Variants in ALK observed in about 807,000 individuals in gnomAD.
ALK encodes ALK tyrosine kinase receptor.
A neutral mutation model predicts 163.1 loss-of-function variants in ALK; 74 were observed. The observed-to-expected ratio is 0.45, with a 90% confidence interval of 0.38 to 0.55. The LOEUF is 0.55. Ranked by LOEUF, ALK falls within the 20% of genes least tolerant of loss-of-function variation. The probability of loss-of-function intolerance (pLI) is 0.00; values close to 1 mark genes in which losing one functional copy is unlikely to be tolerated. For missense variants in ALK, 2,063 were observed against 2,105.3 expected, an observed-to-expected ratio of 0.98 and a Z score of 0.39; for synonymous variants, 960 against 843.2, an observed-to-expected ratio of 1.14 and a Z score of -2.40.
intron 4 of ALK, among the ~76,000 whole-genome samples, chr2:29,414,456 T>A (rs971103905): frequency 6.6e-5 from 10 of 152,196 alleles, no homozygotes; most frequent in African/African-American, 2.4e-4. Flanking sequence ...GCCAAAACCC[T>A]CTGCTTTGCC....
chr2:29,669,309 T>C (rs1677612452), intron 3 of ALK, among the ~76,000 whole-genome samples: 1 of 152,114 alleles, frequency 6.6e-6, no homozygotes, highest in Admixed American at 6.6e-5. Context: ...TTATAATTGT[T>C]ATATCCTCTT....
intron 11 of ALK, among the ~76,000 whole-genome samples, chr2:29,269,863 G>T (rs908314522): frequency 5.9e-5 from 9 of 152,216 alleles, no homozygotes; most frequent in Non-Finnish European, 1.0e-4. Context: ...GAAGGCTGGG[G>T]AGCATGGAGG....
chr2:29,755,878 A>T (rs971571830), intron 1 of ALK, among the ~76,000 whole-genome samples: 2 of 152,204 alleles, frequency 1.3e-5, no homozygotes, highest in African/African-American at 4.8e-5. Flanking sequence ...ATCAGTCTTC[A>T]GACCTGTCAG....
At chr2:29,757,142 A>T (rs1680560138) in intron 1 of ALK, among the ~76,000 whole-genome samples, 1 of 152,228 alleles carries the variant, frequency 6.6e-6, no homozygotes, top group Non-Finnish European at 1.5e-5. Flanking sequence ...CCATGGGTGC[A>T]AAGCCTTTAA....
chr2:29,376,576 A>C (rs1185321299), intron 5 of ALK, among the ~76,000 whole-genome samples: 1 of 152,244 alleles, frequency 6.6e-6, no homozygotes, highest in East Asian at 1.9e-4. Context: ...GAGTGGATGC[A>C]TGGATGGATG....
chr2:29,312,241 A>G (rs1273631964), intron 8 of ALK, among the ~76,000 whole-genome samples: 1 of 152,182 alleles, frequency 6.6e-6, no homozygotes, highest in Admixed American at 6.5e-5. Context: ...AGAGTAGCAG[A>G]AACCACAGGT....
chr2:29,706,834 A>C (rs947895965), intron 2 of ALK, among the ~76,000 whole-genome samples: 1 of 152,214 alleles, frequency 6.6e-6, no homozygotes, highest in African/African-American at 2.4e-5. Flanking sequence ...AGATGGGAAA[A>C]TTAAGGCTCA....
At chr2:29,734,207 G>T (rs988749112) in intron 1 of ALK, among the ~76,000 whole-genome samples, 1 of 152,172 alleles carries the variant, frequency 6.6e-6, no homozygotes, top group Non-Finnish European at 1.5e-5. Flanking sequence ...TGCAATCTGT[G>T]CTGTTTATAT....
At position 29,868,078 on chromosome 2, in the gene ALK, A is replaced by G. The variant is rs1666485399; in HGVS notation, c.667+51915T>C. ...TCATGCCCTACTTTGGCTACAGCAG[A>G]GCAAAGGCTGGCCACGAAAGAGGTA... On this transcript the variant is annotated intron_variant, in intron 1 of 28. Coordinates refer to ENST00000389048, the MANE Select transcript of ALK (RefSeq NM_004304.5). Among the ~76,000 whole-genome samples the G allele has an allele frequency of 2.0e-5, 3 of 152,242 alleles. No homozygotes were observed. The South Asian group carries it at 6.2e-4, about 32-fold the overall frequency.
chr2:29,849,953 A>T (rs1665947886), intron 1 of ALK, among the ~76,000 whole-genome samples: 1 of 152,182 alleles, frequency 6.6e-6, no homozygotes, highest in South Asian at 2.1e-4. Context: ...AACAGAGTAC[A>T]ACAGTTTTAG....
At chr2:29,281,146 G>T (rs1297916189) in intron 9 of ALK, among the ~76,000 whole-genome samples, 2 of 152,202 alleles carry the variant, frequency 1.3e-5, no homozygotes, top group Admixed American at 6.5e-5. Flanking sequence ...CTGAGGGAAG[G>T]TTCTGACATA....
chr2:29,916,831 C>T (rs904460027), intron 1 of ALK, among the ~76,000 whole-genome samples: 1 of 152,192 alleles, frequency 6.6e-6, no homozygotes, highest in Admixed American at 6.5e-5. Context: ...GGGCAACATG[C>T]CAGCCTTGCA....
At chr2:29,542,184 C>G (rs1673429799) in intron 3 of ALK, among the ~76,000 whole-genome samples, 1 of 152,148 alleles carries the variant, frequency 6.6e-6, no homozygotes, top group Non-Finnish European at 1.5e-5. Flanking sequence ...TTCCCTCGGT[C>G]CCCACAGAAT....
At chr2:29,867,422 A>T (rs1666463074) in intron 1 of ALK, among the ~76,000 whole-genome samples, 1 of 152,190 alleles carries the variant, frequency 6.6e-6, no homozygotes, top group Admixed American at 6.5e-5. Context: ...TATTTCTGGG[A>T]GGCAATTTGA....
At chr2:29,229,170 C>A in intron 15 of ALK, 104 bp from the exon 16 acceptor site, 1 of 982,162 alleles carries the variant, frequency 1.0e-6, no homozygotes, top group Non-Finnish European at 1.6e-6. Context: ...GCGCCCGCAC[C>A]AGCTCCAGCT....
intron 4 of ALK, among the ~76,000 whole-genome samples, chr2:29,407,888 G>A (rs935663220): frequency 5.3e-5 from 8 of 152,118 alleles, no homozygotes; most frequent in African/African-American, 1.9e-4. Flanking sequence ...CTGGGTGAGT[G>A]TGGAGCTGAA....
chr2:29,706,975 A>ATGTGTG (rs766564449), intron 2 of ALK, among the ~76,000 whole-genome samples: 11,194 of 102,652 alleles, frequency 0.11, 1,113 homozygotes, highest in Non-Finnish European at 0.14. Flanking sequence ...CTCATGCAGA[A>ATGTGTG]TGTGTGTGTG....
chr2:29,420,595 C>A (rs74899029), intron 4 of ALK, among the ~76,000 whole-genome samples: 4,099 of 151,528 alleles, frequency 0.027, 332 homozygotes, highest in African/African-American at 0.09. Flanking sequence ...TAACATTCTG[C>A]AAACGGCATG....
chr2:29,729,563 G>C (rs865810771), intron 1 of ALK, among the ~76,000 whole-genome samples: 1 of 152,166 alleles, frequency 6.6e-6, no homozygotes, highest in Non-Finnish European at 1.5e-5. Flanking sequence ...CCACCATACA[G>C]ACGAGCACCC....
Sources: allele counts gnomAD v4.1 joint callset (sites outside exome capture counted in the v4.1 genomes callset), GRCh38; gene constraint gnomAD v4.1.1; transcripts MANE v1.5; gene names NCBI Gene and HGNC (gene_info 2026-07-23, HGNC 2026-07-21).